WDR81: variants seen among roughly 807,000 people sequenced by gnomAD.
WDR81 encodes WD repeat-containing protein 81.
In WDR81, 92 loss-of-function variants were observed where a neutral mutation model predicts 140.8. The observed-to-expected ratio is 0.65, with a 90% CI of 0.55 to 0.78. The LOEUF (loss-of-function observed/expected upper bound fraction) is 0.78, where lower values mean the gene tolerates loss of function less well. Ranked by LOEUF, WDR81 falls within the 30% of genes least tolerant of loss-of-function variation. WDR81 has a pLI of 0.00. For synonymous variants in WDR81, 1,183 were observed against 1,156.4 expected, an observed-to-expected ratio of 1.02 and a Z score of -0.47; for missense variants, 2,502 against 2,636.4, an observed-to-expected ratio of 0.95 and a Z score of 1.12.
At position 1,728,486 on chromosome 17, in the gene WDR81, C is replaced by T. The variant is rs759417495; in HGVS notation, c.3527C>T (p.Thr1176Ile). 7.5e-6 allele frequency: 12 copies of T among 1,601,914 alleles called. No individual in the cohort carries two copies. In the African/African-American group the frequency reaches 1.2e-4, roughly 16 times the overall value. Residue 1176 changes from threonine to isoleucine, a missense_variant, in exon 1 of 10, where the codon ACC (threonine) becomes ATC (isoleucine). By Grantham distance (89) the Thr-to-Ile change is moderately conservative. Coordinates refer to ENST00000409644, the MANE Select transcript of WDR81 (RefSeq NM_001163809.2). Reference sequence around the variant, plus strand: ...GAGGAGGGGGAGCAGGAGGAGGTCACCGGGGCATCTGAGCTCACTCTGTCT... The same window carrying T: ...GAGGAGGGGGAGCAGGAGGAGGTCATCGGGGCATCTGAGCTCACTCTGTCT... ...EEEEGEQEEV[T>I]GASELTLSDT...
rs771294026 is a variant in WDR81 at position 1,730,464 on chromosome 17, G to A, written c.3752G>A (p.Arg1251His). The change falls in exon 2 of 10, where the codon CGC (arginine) becomes CAC (histidine). Residue 1251 changes from arginine to histidine, a missense_variant. By Grantham distance (29) the Arg-to-His change is conservative (BLOSUM62 0). Coordinates refer to ENST00000409644, the MANE Select transcript of WDR81 (RefSeq NM_001163809.2). Reference sequence around the variant, plus strand: ...CGCCACGTGGCCCGGAACCTGCTCCGCCTGCTGACGTCTTGTTATGTTGGT... The same window carrying A: ...CGCCACGTGGCCCGGAACCTGCTCCACCTGCTGACGTCTTGTTATGTTGGT... ...ASRHVARNLL[R>H]LLTSCYVGPT... 6 of 1,613,068 alleles carry A rather than the reference G, an allele frequency of 3.7e-6. No homozygotes were observed. The highest frequency in any genetic ancestry group is 4.5e-5 in the East Asian group (2 of 44,882).
chr17:1,718,647 G>T (rs1914715034), intron 1 of WDR81, among the ~76,000 whole-genome samples: 2 of 152,164 alleles, frequency 1.3e-5, no homozygotes, highest in African/African-American at 4.8e-5. Context: ...TGGGAGTCAG[G>T]GTCACTCCAG....
chr17:1,729,261 C>T (rs1567722237), intron 1 of WDR81, among the ~76,000 whole-genome samples: 1 of 152,090 alleles, frequency 6.6e-6, no homozygotes, highest in African/African-American at 2.4e-5. Flanking sequence ...AGGAGGATCA[C>T]TTGAGGTTAG....
In WDR81 at chr17:1,725,794, C is replaced by T; in HGVS notation, c.835C>T (p.Leu279=). ...RAMDACHRQG[L]ACGALSLYHI... is the part of the protein sequence containing the mutation. ...TATGGACGCCTGTCACCGCCAGGGG[C>T]TGGCGTGTGGGGCCCTGTCTTTGTA... The change falls in exon 1 of 10, where the codon CTG becomes TTG. Residue 279 remains leucine, a synonymous_variant. Coordinates refer to ENST00000409644, the MANE Select transcript of WDR81 (RefSeq NM_001163809.2). The T allele has an allele frequency of 1.3e-6, 2 of 1,550,680 alleles. No individual in the cohort carries two copies. Among genetic ancestry groups the T allele is most frequent in the Non-Finnish European group, 1.7e-6 (2 of 1,147,010 alleles).
upstream of WDR81, among the ~76,000 whole-genome samples, chr17:1,721,873 C>T (rs1385318357): frequency 6.6e-6 from 1 of 151,306 alleles, no homozygotes; most frequent in African/African-American, 2.4e-5. Flanking sequence ...CCTGTAATCC[C>T]AGCACTTTGG....
rs534338632 is a variant in WDR81 at position 1,733,981 on chromosome 17, G to A, written c.4944G>A (p.Ser1648=). ...QIRLQSFPGH[S]GAVKCVAPLS... ...GCCTGCAGAGCTTCCCGGGCCACTC[G>A]GGGGCCGTCAAGTGCGTGGCACCCC... Residue 1648 remains serine (S), a synonymous_variant, in exon 7 of 10, where the codon TCG becomes TCA. Transcript: ENST00000409644. The A allele has an allele frequency of 2.2e-5, 35 of 1,612,712 alleles. No individual in the cohort carries two copies. In the East Asian group the frequency reaches 2.5e-4, roughly 11 times the overall value.
At chr17:1,716,825 C>T (rs979962935) in intron 1 of WDR81, 7 of 669,662 alleles carry the variant, frequency 1.0e-5, no homozygotes, top group Non-Finnish European at 1.8e-5. Context: ...GGCAGAGCGT[C>T]AGCCCCCAGG....
At position 1,737,539 on chromosome 17, in the gene WDR81, T is replaced by C; in HGVS notation, c.5680T>C (p.Cys1894Arg). 2 of 1,613,030 alleles carry C rather than the reference T, an allele frequency of 1.2e-6. No homozygotes were observed. The highest frequency in any genetic ancestry group is 8.5e-7 in the Non-Finnish European group (1 of 1,179,994). ...TGTVSNKIGV[C>R]SLLEPPSQAT... ...CACCGTGTCCAACAAGATTGGCGTC[T>C]GCTCCCTGCTTGAGCCACCCTCGCA... is the stretch of plus-strand genomic sequence containing the variant. Residue 1894 changes from cysteine (C) to arginine (R), a missense_variant, in exon 10 of 10, where the codon TGC (cysteine) becomes CGC (arginine). This residue lies in a region of WDR81 where 1,737 missense variants were observed against 1,843.0 expected (regional missense o/e 0.94). Coordinates refer to ENST00000409644, the MANE Select transcript of WDR81 (RefSeq NM_001163809.2).
chr17:1,725,643 G>A lies in WDR81; in HGVS notation c.684G>A (p.Pro228=), dbSNP rs1240199819. 1.9e-5 allele frequency: 30 copies of A among 1,545,898 alleles called. No homozygotes were observed. Among genetic ancestry groups the A allele is most frequent in the East Asian group, 2.4e-5 (1 of 40,914 alleles). ...GGGCTGAGGCCTTGCTGGAGTCGCC[G>A]GAGATGCTGTATGTGGTACACCCTT... ...LLRAEALLES[P]EMLYVVHPYV... is the part of the protein sequence containing the mutation. The change falls in exon 1 of 10, where the codon CCG becomes CCA. Residue 228 remains proline (P), a synonymous_variant. Coordinates refer to ENST00000409644, the MANE Select transcript of WDR81 (RefSeq NM_001163809.2).
Position 1,731,098 on chromosome 17 carries a change from C to G in WDR81, c.3997C>G (p.Arg1333Gly). 6.2e-7 allele frequency: 1 copy of G among 1,612,866 alleles called. No individual in the cohort carries two copies. Among genetic ancestry groups the G allele is most frequent in the Non-Finnish European group, 8.5e-7 (1 of 1,179,892 alleles). The change falls in exon 4 of 10, where the codon CGA (arginine) becomes GGA (glycine). Residue 1333 changes from arginine (R) to glycine (G), a missense_variant. By Grantham distance (125) the Arg-to-Gly change is moderately radical (BLOSUM62 -2). This residue lies in a region of WDR81 where 1,737 missense variants were observed against 1,843.0 expected (regional missense o/e 0.94). Transcript: ENST00000409644. ...CCCAGGGAGTGCCTCAGGCCCCAGC[C>G]GACTGAACAGCCGTAAGGAGGCGGG... ...VAPGSASGPSRLNSRKEAGLL... is the reference protein window; with the variant it reads ...VAPGSASGPSGLNSRKEAGLL...
Position 1,735,923 on chromosome 17 carries a change from C to T in WDR81, c.5326-116C>T, listed in dbSNP as rs75223544. The T allele has an allele frequency of 6.9e-7, 1 of 1,445,904 alleles. No homozygotes were observed. Among genetic ancestry groups the T allele is most frequent in the Non-Finnish European group, 9.2e-7 (1 of 1,088,270 alleles). 89.6% of individuals were successfully genotyped at this position (1,445,904 alleles called of 1,614,324 possible). ...TGGGGTTCTGGGCTTTTCATGCCCC[C>T]TGATGAGGGTCAGAGGCTCAGGCCT... is the stretch of plus-strand genomic sequence containing the variant. On this transcript the variant is annotated intron_variant, in intron 8 of 9. Transcript: ENST00000409644. The surrounding 1 kb of genome is among the most constrained non-coding windows in gnomAD (Gnocchi z 4.2).
rs925026093 is a variant in WDR81, at chr17:1,726,288, C to T, written c.1329C>T (p.Asp443=). 1.4e-5 allele frequency: 22 copies of T among 1,541,862 alleles called. 1 individual carries two copies. In the Middle Eastern group the frequency reaches 5.0e-4, roughly 35 times the overall value. ...CTCATGTTCCCCACCACATCTCAGA[C>T]GTGCTCTCCGACATCACGTACTATG... ...EPPHVPHHIS[D]VLSDITYYVY... The change falls in exon 1 of 10, where the codon GAC becomes GAT. Residue 443 remains aspartate, a synonymous_variant. Transcript: ENST00000409644.
Position 1,726,909 on chromosome 17 carries a change from C to T in WDR81, c.1950C>T (p.Asp650=). 1 of 1,550,440 alleles carries T rather than the reference C, an allele frequency of 6.4e-7. No homozygotes were observed. The highest frequency in any genetic ancestry group is 8.7e-7 in the Non-Finnish European group (1 of 1,146,966). ...ATPCEASWTR[D]RPVAGEDDLE... ...CCTGTGAGGCTAGCTGGACCAGAGACAGGCCGGTGGCAGGAGAAGACGACT... is the reference window on the plus strand; with the variant it reads ...CCTGTGAGGCTAGCTGGACCAGAGATAGGCCGGTGGCAGGAGAAGACGACT... Residue 650 remains aspartate, a synonymous_variant, in exon 1 of 10, where the codon GAC becomes GAT. Transcript: ENST00000409644.
chr17:1,723,676 G>A (rs1915018366), upstream of WDR81, among the ~76,000 whole-genome samples: 1 of 151,732 alleles, frequency 6.6e-6, no homozygotes, highest in Admixed American at 6.6e-5. Context: ...TAGTAGAGAC[G>A]GGGTTTCACC....
Position 1,727,752 on chromosome 17 carries a change from C to T in WDR81, c.2793C>T (p.Leu931=). ...TCCTGCTGCCCTTCGTGCTCTCACTCATGTCCGAGGAGCACACAGCTGTGT... is the reference window on the plus strand; with the variant it reads ...TCCTGCTGCCCTTCGTGCTCTCACTTATGTCCGAGGAGCACACAGCTGTGT... ...LEILLPFVLS[L]MSEEHTAVYT... Residue 931 remains leucine, a synonymous_variant, in exon 1 of 10, where the codon CTC becomes CTT. Coordinates refer to ENST00000409644, the MANE Select transcript of WDR81 (RefSeq NM_001163809.2). 1 of 1,550,718 alleles carries T rather than the reference C, an allele frequency of 6.4e-7. No homozygotes were observed. Among genetic ancestry groups the T allele is most frequent in the African/African-American group, 1.4e-5 (1 of 73,180 alleles).
intron 4 of WDR81, 53 bp downstream of exon 4, chr17:1,731,311 C>T (rs1422105802): frequency 6.4e-7 from 1 of 1,567,810 alleles, no homozygotes; most frequent in African/African-American, 1.4e-5. Context: ...GAGGGGCTGC[C>T]CAGGAGGGGG....
rs1342592010 is a variant in WDR81, at chr17:1,725,476, G to A, written c.517G>A (p.Ala173Thr). Reference sequence around the variant, plus strand: ...CAGCCCTGCCCCCTCAGCTGTCCCTGCCTTGGACTCAGTACGGCAGGCTCT... The same window carrying A: ...CAGCCCTGCCCCCTCAGCTGTCCCTACCTTGGACTCAGTACGGCAGGCTCT... ...SHSPAPSAVP[A>T]LDSVRQALQR... The change falls in exon 1 of 10, where the codon GCC becomes ACC. Residue 173 changes from alanine to threonine, a missense_variant. By Grantham distance (58) the Ala-to-Thr change is moderately conservative (BLOSUM62 0). This residue lies in a region of WDR81 where 547 missense variants were observed against 513.8 expected (regional missense o/e 1.06). Transcript: ENST00000409644. 3.2e-6 allele frequency: 5 copies of A among 1,548,638 alleles called. No homozygotes were observed. The highest frequency in any genetic ancestry group is 4.4e-6 in the Non-Finnish European group (5 of 1,146,934).
At chr17:1,718,438 A>T (rs996655354) in intron 1 of WDR81, among the ~76,000 whole-genome samples, 1 of 152,104 alleles carries the variant, frequency 6.6e-6, no homozygotes, top group Non-Finnish European at 1.5e-5. Flanking sequence ...TCCACTTCTA[A>T]CTGTTCTCAG....
chr17:1,737,475 C>T lies in WDR81; in HGVS notation c.5616C>T (p.Ile1872=), dbSNP rs367912784. ...THHYKSASDP[I]HTFDLYGSEV... ...ACTACAAGTCAGCATCCGACCCCAT[C>T]CACACCTTTGACCTGTACGGCAGCG... is the stretch of plus-strand genomic sequence containing the variant. Residue 1872 remains isoleucine (I), a synonymous_variant, in exon 10 of 10, where the codon ATC becomes ATT. Transcript: ENST00000409644. 105 of 1,613,266 alleles carry T rather than the reference C, an allele frequency of 6.5e-5. No individual in the cohort carries two copies. The highest frequency in any genetic ancestry group is 1.7e-4 in the Middle Eastern group (1 of 6,060).
Sources: allele counts gnomAD v4.1 joint callset (sites outside exome capture counted in the v4.1 genomes callset), GRCh38; gene constraint gnomAD v4.1.1; regional missense constraint gnomAD v4.1.1; non-coding constraint Gnocchi (gnomAD v3.1); transcripts MANE v1.5; gene names NCBI Gene and HGNC (gene_info 2026-07-23, HGNC 2026-07-21).